RB1: variants seen among roughly 807,000 people sequenced by gnomAD.
The protein encoded by RB1 is RB transcriptional corepressor 1.
RB1 carries 18 observed loss-of-function variants against 135.4 expected under a neutral mutation model. The observed-to-expected ratio is 0.13, with a 90% CI of 0.09 to 0.20. RB1 has a LOEUF of 0.20. RB1 is among the 10% of genes least tolerant of loss of function. The pLI is 1.00. For missense variants in RB1, 868 were observed against 1,110.0 expected (o/e 0.78, Z 3.10); for synonymous variants, 365 against 373.2 (o/e 0.98, Z 0.25).
chr13:48,409,135 T>G (rs1490643967), intron 17 of RB1, among the ~76,000 whole-genome samples: 3 of 150,874 alleles, frequency 2.0e-5, no homozygotes, highest in Admixed American at 6.6e-5. Flanking sequence ...GTTTTTTGGG[T>G]TTTTTTTCTT....
chr13:48,370,372 G>T (rs1029988819), intron 11 of RB1, among the ~76,000 whole-genome samples: 2 of 151,878 alleles, frequency 1.3e-5, no homozygotes, highest in Non-Finnish European at 2.9e-5. Context: ...CTGCTTACCT[G>T]GAGATAGTGT....
intron 2 of RB1, among the ~76,000 whole-genome samples, chr13:48,322,589 A>G (rs1032872473): frequency 6.6e-6 from 1 of 152,198 alleles, no homozygotes. Flanking sequence ...TGAGAAGGAC[A>G]TTGTTGTCTC....
intron 17 of RB1, chr13:48,412,713 C>T (rs1348122978): frequency 4.3e-6 from 2 of 460,380 alleles, no homozygotes; most frequent in African/African-American, 4.0e-5. Flanking sequence ...TTAAAAAATA[C>T]AGTCAACGAG....
intron 2 of RB1, among the ~76,000 whole-genome samples, chr13:48,321,570 G>A (rs1363591391): frequency 1.3e-5 from 2 of 151,852 alleles, no homozygotes; most frequent in African/African-American, 4.8e-5. Flanking sequence ...AAAAATGTCC[G>A]TTTGGCTGGG....
At chr13:48,375,429 T>C (rs1952810656) in intron 12 of RB1, among the ~76,000 whole-genome samples, 1 of 151,658 alleles carries the variant, frequency 6.6e-6, no homozygotes, top group Non-Finnish European at 1.5e-5. Context: ...AACAATTCTT[T>C]TATGACAGGA....
intron 17 of RB1, among the ~76,000 whole-genome samples, chr13:48,397,578 C>A (rs1384191797): frequency 2.6e-5 from 4 of 152,106 alleles, no homozygotes; most frequent in African/African-American, 7.2e-5. Context: ...ACCACCATGG[C>A]ACGCGTATAC....
chr13:48,340,617 G>A (rs1054266405), intron 2 of RB1, among the ~76,000 whole-genome samples: 2 of 149,430 alleles, frequency 1.3e-5, no homozygotes, highest in Admixed American at 6.7e-5. Context: ...TTGATGAAAG[G>A]ACATATATTG....
intron 6 of RB1, among the ~76,000 whole-genome samples, chr13:48,357,112 C>G (rs1360407245): frequency 6.6e-6 from 1 of 151,068 alleles, no homozygotes; most frequent in African/African-American, 2.4e-5. Context: ...ACACCGTATC[C>G]CTTTTTAAAC....
chr13:48,471,596 A>G (rs966016056), intron 23 of RB1, among the ~76,000 whole-genome samples: 1 of 150,126 alleles, frequency 6.7e-6, no homozygotes, highest in East Asian at 1.9e-4. Context: ...AAGAAAATCT[A>G]TTTACTTGGA....
chr13:48,317,830 ACGCCAGGCGGTGGGGCC>A, intron 2 of RB1: 1 of 365,568 alleles, frequency 2.7e-6, no homozygotes, highest in Non-Finnish European at 5.2e-6. Context: ...CCGCGTGCAC[ACGCCAGGCGGTGGGGCC>A]CGCTCCTTCC....
At chr13:48,330,064 G>A (rs1451006236) in intron 2 of RB1, among the ~76,000 whole-genome samples, 1 of 151,518 alleles carries the variant, frequency 6.6e-6, no homozygotes, top group Non-Finnish European at 1.5e-5. Flanking sequence ...AATTAAACAT[G>A]TTCCTGAACA....
intron 11 of RB1, 136 bp from the exon 12 acceptor site, chr13:48,373,269 A>G (rs1464343292): frequency 1.6e-6 from 1 of 641,968 alleles, no homozygotes; most frequent in Non-Finnish European, 2.8e-6. Flanking sequence ...CCACAGTCTT[A>G]TTTGAGGGAA....
chr13:48,453,010 T>C lies in RB1; in HGVS notation c.1713T>C (p.Asp571=), dbSNP rs1286122592. 4 of 1,612,942 alleles carry C rather than the reference T, an allele frequency of 2.5e-6. No individual in the cohort carries two copies. The highest frequency in any genetic ancestry group is 3.4e-6 in the Non-Finnish European group (4 of 1,179,554). Residue 571 remains aspartate (D), a synonymous_variant, in exon 18 of 27, where the codon GAT becomes GAC. Coordinates refer to ENST00000267163, the MANE Select transcript of RB1 (RefSeq NM_000321.3). ...TCATATAGGATTCACCTTTATTTGA[T>C]CTTATTAAACAATCAAAGGACCGAG... is the stretch of plus-strand genomic sequence containing the variant. The part of the protein sequence containing the change: ...LAWLSDSPLF[D]LIKQSKDREG...
At chr13:48,339,169 A>G (rs1952416494) in intron 2 of RB1, among the ~76,000 whole-genome samples, 1 of 152,112 alleles carries the variant, frequency 6.6e-6, no homozygotes, top group South Asian at 2.1e-4. Flanking sequence ...CTCAAACTTC[A>G]TGCTGGGAGA....
chr13:48,453,475 G>A (rs1387658362), intron 18 of RB1, among the ~76,000 whole-genome samples: 1 of 152,216 alleles, frequency 6.6e-6, no homozygotes, highest in African/African-American at 2.4e-5. Context: ...ACATTTTTCA[G>A]AGTGTGCAGG....
intron 11 of RB1, among the ~76,000 whole-genome samples, chr13:48,370,955 G>A (rs1952751900): frequency 6.6e-6 from 1 of 152,174 alleles, no homozygotes. Flanking sequence ...CATCACTGGA[G>A]TTTCTAAGTA....
intron 17 of RB1, among the ~76,000 whole-genome samples, chr13:48,400,671 C>G (rs1442001428): frequency 6.6e-6 from 1 of 152,050 alleles, no homozygotes; most frequent in Non-Finnish European, 1.5e-5. Context: ...ATGTAACTTG[C>G]TTTGGTGTGG....
rs576562318 is a variant in RB1 at position 48,328,971 on chromosome 13, T to A, written c.265-13628T>A. On this transcript the variant is annotated intron_variant, in intron 2 of 26. Transcript: ENST00000267163. ...GTCAGTGAAGTATTTTTTTCCTTAT[T>A]TATATACATTATAACTTTCCTTATT... Among the ~76,000 whole-genome samples the A allele has an allele frequency of 2.6e-5, 4 of 152,318 alleles. No homozygotes were observed. The South Asian group carries it at 8.3e-4, about 32-fold the overall frequency.
At chr13:48,345,513 A>G (rs1424184023) in intron 4 of RB1, among the ~76,000 whole-genome samples, 6 of 152,256 alleles carry the variant, frequency 3.9e-5, no homozygotes, top group Non-Finnish European at 5.9e-5. Flanking sequence ...GGTGACATAA[A>G]TTTAAACTTC....
Sources: gnomAD v4.1 joint callset for allele counts (sites outside exome capture counted in the v4.1 genomes callset) on GRCh38, gnomAD v4.1.1 for gene constraint, MANE v1.5 for transcripts, NCBI Gene and HGNC (gene_info 2026-07-23, HGNC 2026-07-21) for gene names.